Variants in USP34 observed in about 807,000 individuals in gnomAD.
USP34 encodes the protein ubiquitin carboxyl-terminal hydrolase 34.
In USP34, 70 loss-of-function variants were observed where a neutral mutation model predicts 460.3. That is an observed-to-expected ratio of 0.15 (90% confidence interval 0.13 to 0.19). The LOEUF (loss-of-function observed/expected upper bound fraction) is 0.19. USP34 is among the 10% of genes least tolerant of loss of function. The pLI is 1.00. For missense variants in USP34, 3,985 were observed against 4,236.2 expected (o/e 0.94, Z 1.65); for synonymous variants, 1,647 against 1,405.3 (o/e 1.17, Z -3.85).
At chr2:61,198,321 T>C (rs1051096294) in intron 75 of USP34, among the ~76,000 whole-genome samples, 11 of 152,080 alleles carry the variant, frequency 7.2e-5, no homozygotes, top group African/African-American at 2.2e-4. Context: ...GCCTGTCTTA[T>C]TTGTTTTCAT....
intron 8 of USP34, among the ~76,000 whole-genome samples, chr2:61,376,691 A>G (rs1279316379): frequency 6.6e-6 from 1 of 152,004 alleles, no homozygotes; most frequent in African/African-American, 2.4e-5. Context: ...TCTGTCGCCC[A>G]GGTTGGAGTG....
chr2:61,411,335 T>C (rs72815508), intron 2 of USP34, among the ~76,000 whole-genome samples: 9,388 of 149,242 alleles, frequency 0.063, 373 homozygotes, highest in South Asian at 0.098. Flanking sequence ...TGAGCTAGAC[T>C]ATGCCACTGT....
intron 1 of USP34, among the ~76,000 whole-genome samples, chr2:61,439,658 T>C (rs1226626239): frequency 1.3e-5 from 2 of 152,038 alleles, no homozygotes; most frequent in Admixed American, 1.3e-4. Context: ...GCAGCCCCCG[T>C]GGAGCACAAG....
chr2:61,206,911 AAACTT>A, intron 70 of USP34, 25 bp from the exon 71 acceptor site: 1 of 1,606,028 alleles, frequency 6.2e-7, no homozygotes, highest in South Asian at 1.1e-5. Flanking sequence ...AAAAAATTGA[AAACTT>A]AATTTCATTT....
intron 33 of USP34, 64 bp downstream of exon 33, chr2:61,293,400 G>GA: frequency 4.8e-6 from 6 of 1,259,066 alleles, no homozygotes; most frequent in Non-Finnish European, 6.8e-6. Flanking sequence ...ACTTGCTGAT[G>GA]AAATGGAAGT....
At position 61,281,234 on chromosome 2, in the gene USP34, A is replaced by C; in HGVS notation, c.5007T>G (p.Val1669=). ...AGAGACCACTGCATGATTCATGACG[A>C]ACTGCAGTCTAGATGAAAAAGAAAG... is the stretch of plus-strand genomic sequence containing the variant. The part of the protein sequence containing the change: ...KLTLLIPETA[V]RHESCSGLYK... Residue 1669 remains valine (V), a synonymous_variant, in exon 38 of 80, where the codon GTT becomes GTG. Coordinates refer to ENST00000398571, the MANE Select transcript of USP34 (RefSeq NM_014709.4). 6.2e-7 allele frequency: 1 copy of C among 1,612,518 alleles called. No individual in the cohort carries two copies. Among genetic ancestry groups the C allele is most frequent in the Non-Finnish European group, 8.5e-7 (1 of 1,179,368 alleles).
At chr2:61,300,071 G>A (rs1262121390) in intron 29 of USP34, among the ~76,000 whole-genome samples, 1 of 152,072 alleles carries the variant, frequency 6.6e-6, no homozygotes, top group Non-Finnish European at 1.5e-5. Flanking sequence ...TCCTATTTCA[G>A]GGCAACTTGT....
At chr2:61,192,850 A>G in intron 76 of USP34, 51 bp downstream of exon 76, 1 of 1,488,354 alleles carries the variant, frequency 6.7e-7, no homozygotes. Flanking sequence ...ATTATTGACC[A>G]CTTGGTCAGA....
chr2:61,326,644 T>C (rs767874187), intron 20 of USP34, among the ~76,000 whole-genome samples: 1 of 152,226 alleles, frequency 6.6e-6, no homozygotes, highest in Non-Finnish European at 1.5e-5. Context: ...ACTAAGTCAA[T>C]AATAAGCTAT....
At chr2:61,232,406 G>GT (rs1457326367) in intron 58 of USP34, 46 bp downstream of exon 58, 1 of 1,439,102 alleles carries the variant, frequency 6.9e-7, no homozygotes, top group African/African-American at 1.4e-5. Flanking sequence ...TAAATTGAAA[G>GT]TAACTTCTTT....
intron 39 of USP34, among the ~76,000 whole-genome samples, chr2:61,279,866 G>T (rs190383261): frequency 2.6e-5 from 4 of 152,236 alleles, no homozygotes; most frequent in Admixed American, 1.3e-4. Context: ...TTTCTTTAAA[G>T]TAACTTCTAT....
chr2:61,419,774 T>A (rs919479326), intron 2 of USP34, among the ~76,000 whole-genome samples: 1 of 152,202 alleles, frequency 6.6e-6, no homozygotes, highest in Non-Finnish European at 1.5e-5. Flanking sequence ...TTGTGGACTA[T>A]TAAAGTTCAT....
chr2:61,455,819 T>G (rs1195884365), intron 1 of USP34, among the ~76,000 whole-genome samples: 1 of 152,162 alleles, frequency 6.6e-6, no homozygotes, highest in Admixed American at 6.6e-5. Context: ...TCTTATTCAC[T>G]CCTCACAAAA....
At chr2:61,405,567 C>T in intron 3 of USP34, 141 bp downstream of exon 3, 1 of 874,098 alleles carries the variant, frequency 1.1e-6, no homozygotes, top group Middle Eastern at 3.6e-4. Flanking sequence ...TGAAGAAATG[C>T]TCTGGAGAAA....
chr2:61,210,564 T>G (rs1280723822), intron 69 of USP34, among the ~76,000 whole-genome samples: 1 of 152,230 alleles, frequency 6.6e-6, no homozygotes, highest in Non-Finnish European at 1.5e-5. Flanking sequence ...ACCCTGTTGT[T>G]ATGCAACACA....
At chr2:61,321,775 G>A (rs529812526) in intron 21 of USP34, among the ~76,000 whole-genome samples, 1 of 152,066 alleles carries the variant, frequency 6.6e-6, no homozygotes, top group African/African-American at 2.4e-5. Context: ...CCTAAAATAG[G>A]AGCACATCCG....
rs1313035105 is a variant in USP34 at position 61,220,391 on chromosome 2, C to T, written c.7966G>A (p.Ala2656Thr). The T allele has an allele frequency of 1.2e-6, 2 of 1,613,972 alleles. No homozygotes were observed. The highest frequency in any genetic ancestry group is 2.2e-5 in the East Asian group (1 of 44,856). The change falls in exon 67 of 80, where the codon GCA (alanine) becomes ACA (threonine). Residue 2656 changes from alanine to threonine, a missense_variant. Physicochemically the swap from Ala to Thr is moderately conservative, Grantham distance 58. Transcript: ENST00000398571. Reference protein sequence around the residue: ...LAVQTPRNKLAHSWVLQNMEN... With the variant: ...LAVQTPRNKLTHSWVLQNMEN... Reference sequence around the variant, plus strand: ...ATATTCTGTAAGACCCAGCTGTGTGCCAGTTTATTTCGGGGTGTCTGCACT... The same window carrying T: ...ATATTCTGTAAGACCCAGCTGTGTGTCAGTTTATTTCGGGGTGTCTGCACT...
intron 15 of USP34, 106 bp downstream of exon 15, chr2:61,347,764 C>T (rs1480517880): frequency 1.3e-6 from 2 of 1,503,396 alleles, no homozygotes; most frequent in Non-Finnish European, 8.9e-7. Context: ...TTGCACTATA[C>T]TACTAATGAA....
At chr2:61,194,249 A>G (rs1686728191) in intron 75 of USP34, 1 of 985,312 alleles carries the variant, frequency 1.0e-6, no homozygotes, top group Admixed American at 6.1e-5. Flanking sequence ...AGGCAAGGAA[A>G]TGCTACTTCC....
Sources: allele counts gnomAD v4.1 joint callset (sites outside exome capture counted in the v4.1 genomes callset), GRCh38; gene constraint gnomAD v4.1.1; transcripts MANE v1.5; gene names NCBI Gene and HGNC (gene_info 2026-07-23, HGNC 2026-07-21).